The following PTPRM variants were observed in gnomAD, a reference collection of about 807,000 sequenced individuals.
PTPRM encodes receptor-type tyrosine-protein phosphatase mu.
PTPRM carries 47 observed loss-of-function variants against 186.7 expected under a neutral mutation model. The ratio of observed to expected loss-of-function variants is 0.25; its 90% confidence interval spans 0.20 to 0.32. The LOEUF (loss-of-function observed/expected upper bound fraction) is 0.32, where lower values mean the gene tolerates loss of function less well. Ranked by LOEUF, PTPRM falls within the 10% of genes least tolerant of loss-of-function variation. PTPRM has a pLI of 1.00. For missense variants in PTPRM, 1,494 were observed against 1,865.0 expected (o/e 0.80, Z 3.66); for synonymous variants, 668 against 674.9 (o/e 0.99, Z 0.16).
At chr18:8,250,251 G>T (rs1488983389) in intron 17 of PTPRM, among the ~76,000 whole-genome samples, 1 of 151,924 alleles carries the variant, frequency 6.6e-6, no homozygotes, top group Non-Finnish European at 1.5e-5. Flanking sequence ...TGGATAGCTG[G>T]ATGGATGGAT....
intron 29 of PTPRM, among the ~76,000 whole-genome samples, chr18:8,380,888 A>G (rs919089675): frequency 5.9e-5 from 9 of 152,156 alleles, no homozygotes; most frequent in Non-Finnish European, 1.2e-4. Context: ...CCGGGAGCCT[A>G]CAGGTAGAGA....
chr18:7,976,177 A>C (rs1356294012), intron 7 of PTPRM, among the ~76,000 whole-genome samples: 1 of 152,144 alleles, frequency 6.6e-6, no homozygotes, highest in East Asian at 1.9e-4. Flanking sequence ...CAAAAAAATA[A>C]AAAATAAAAA....
At chr18:8,382,641 T>G (rs2095744291) in intron 29 of PTPRM, among the ~76,000 whole-genome samples, 1 of 152,196 alleles carries the variant, frequency 6.6e-6, no homozygotes, top group African/African-American at 2.4e-5. Context: ...ATAGCTAACA[T>G]AAAAGGCACC....
chr18:7,711,402 C>A (rs1196409153), intron 1 of PTPRM, among the ~76,000 whole-genome samples: 1 of 152,178 alleles, frequency 6.6e-6, no homozygotes, highest in Non-Finnish European at 1.5e-5. Context: ...CAAAACTGGG[C>A]AGCCATTTGG....
At chr18:8,067,422 A>G (rs1301525266) in intron 7 of PTPRM, among the ~76,000 whole-genome samples, 2 of 152,222 alleles carry the variant, frequency 1.3e-5, no homozygotes, top group Non-Finnish European at 2.9e-5. Context: ...TAATTTAAAT[A>G]TGAAAAATTA....
Position 7,668,406 on chromosome 18 carries a change from C to A in PTPRM, c.73+100515C>A, listed in dbSNP as rs550959597. Reference sequence around the variant, plus strand: ...TTTGTTATTATGTAGCTCTCAGCTGCAACGGTATTTAACACGTTTTACACA... The same window carrying A: ...TTTGTTATTATGTAGCTCTCAGCTGAAACGGTATTTAACACGTTTTACACA... On this transcript the variant is annotated intron_variant, in intron 1 of 32. Coordinates refer to ENST00000580170, the MANE Select transcript of PTPRM (RefSeq NM_001105244.2). This position sits in a 1 kb window ranked among gnomAD's most constrained non-coding sequence, Gnocchi z 4.7. 3.9e-5 allele frequency among the ~76,000 whole-genome samples: 6 copies of A among 152,356 alleles called. No individual in the cohort carries two copies. In the South Asian group the frequency reaches 1.2e-3, roughly 32 times the overall value.
At chr18:8,275,449 A>G (rs910929682) in intron 19 of PTPRM, among the ~76,000 whole-genome samples, 3 of 149,160 alleles carry the variant, frequency 2.0e-5, no homozygotes, top group Admixed American at 2.0e-4. Flanking sequence ...GTAAAAAAAG[A>G]AAAGAAAAGA....
intron 14 of PTPRM, among the ~76,000 whole-genome samples, chr18:8,193,931 G>A (rs1189943792): frequency 2.3e-4 from 35 of 152,194 alleles, no homozygotes; most frequent in Non-Finnish European, 1.5e-5. Flanking sequence ...CATGGATGCT[G>A]TATTAAGAAA....
At chr18:8,069,663 C>T in intron 7 of PTPRM, 23 bp from the exon 8 acceptor site, 7 of 1,575,660 alleles carry the variant, frequency 4.4e-6, no homozygotes, top group Non-Finnish European at 6.1e-6. Flanking sequence ...CTCATGTTTT[C>T]TTTTGTCTTC....
At chr18:7,998,890 A>G (rs1186391593) in intron 7 of PTPRM, among the ~76,000 whole-genome samples, 1 of 152,140 alleles carries the variant, frequency 6.6e-6, no homozygotes, top group Non-Finnish European at 1.5e-5. Context: ...TCTGGCCTCA[A>G]GTGATCTACC....
chr18:7,870,934 G>C (rs1391864954), intron 2 of PTPRM, among the ~76,000 whole-genome samples: 1 of 152,192 alleles, frequency 6.6e-6, no homozygotes, highest in Non-Finnish European at 1.5e-5. Flanking sequence ...GGTTAGTTTT[G>C]ACGTATCTGA....
chr18:7,921,736 TTTTTG>T (rs1438501213), intron 4 of PTPRM, among the ~76,000 whole-genome samples: 7 of 152,154 alleles, frequency 4.6e-5, no homozygotes, highest in African/African-American at 1.7e-4. Flanking sequence ...TTTCTGTTTT[TTTTTG>T]TTTGTTTGTT....
chr18:7,640,678 T>C (rs548288223), intron 1 of PTPRM, among the ~76,000 whole-genome samples: 1 of 152,240 alleles, frequency 6.6e-6, no homozygotes, highest in East Asian at 1.9e-4. Flanking sequence ...AGCCAGTCTC[T>C]GAAAAAGGAA....
intron 7 of PTPRM, among the ~76,000 whole-genome samples, chr18:8,043,702 C>T (rs1316067289): frequency 6.6e-6 from 1 of 152,058 alleles, no homozygotes; most frequent in African/African-American, 2.4e-5. Context: ...ATAAACAAAG[C>T]TGGACACTAG....
At position 8,377,844 on chromosome 18, in the gene PTPRM, C is replaced by A. The variant is rs12457453; in HGVS notation, c.3463-421C>A. 1,525 of 154,858 alleles carry A rather than the reference C, an allele frequency of 9.8e-3. 11 individuals carry two copies. The highest frequency in any genetic ancestry group is 0.06 in the Middle Eastern group (18 of 300). 9.6% of individuals were successfully genotyped at this position (154,858 alleles called of 1,614,324 possible). A position where few individuals can be genotyped will look rare whatever the true frequency, so the allele number is the denominator to read the frequency against. On this transcript the variant is annotated intron_variant, in intron 26 of 32. Coordinates refer to ENST00000580170, the MANE Select transcript of PTPRM (RefSeq NM_001105244.2). ...GTTCTGAAATAAGAACTTCTAAGTA[C>A]TTTTATGTTTTGAATTAAGAACTTC...
At chr18:7,986,806 G>C (rs567367638) in intron 7 of PTPRM, among the ~76,000 whole-genome samples, 2 of 152,174 alleles carry the variant, frequency 1.3e-5, no homozygotes, top group Admixed American at 1.3e-4. Context: ...ATTATAGATT[G>C]TGACTATATT....
chr18:7,826,387 C>T (rs2045485341), intron 2 of PTPRM, among the ~76,000 whole-genome samples: 1 of 152,192 alleles, frequency 6.6e-6, no homozygotes, highest in South Asian at 2.1e-4. Context: ...CTGAGTAGTA[C>T]TGGCACTGCC....
At chr18:8,378,201 G>T in intron 26 of PTPRM, 64 bp from the exon 27 acceptor site, 1 of 1,485,564 alleles carries the variant, frequency 6.7e-7, no homozygotes, top group South Asian at 1.2e-5. Flanking sequence ...GGCTAAAATT[G>T]ATACCGTCTT....
chr18:8,111,779 A>G (rs1473418689), intron 11 of PTPRM, among the ~76,000 whole-genome samples: 1 of 152,202 alleles, frequency 6.6e-6, no homozygotes, highest in Non-Finnish European at 1.5e-5. Context: ...GTAGGAGAAA[A>G]ATAAAACTCA....
Sources: allele counts gnomAD v4.1 joint callset (sites outside exome capture counted in the v4.1 genomes callset), GRCh38; gene constraint gnomAD v4.1.1; non-coding constraint Gnocchi (gnomAD v3.1); transcripts MANE v1.5; gene names NCBI Gene and HGNC (gene_info 2026-07-23, HGNC 2026-07-21).